PAPSS1: variants seen among roughly 807,000 people sequenced by gnomAD.
PAPSS1 encodes the protein 3'-phosphoadenosine 5'-phosphosulfate synthase 1.
PAPSS1 carries 50 observed loss-of-function variants against 72.0 expected under a neutral mutation model. That is an observed-to-expected ratio of 0.69 (90% confidence interval 0.55 to 0.88). The LOEUF (loss-of-function observed/expected upper bound fraction) is 0.88. Among genes scored for constraint, PAPSS1 ranks in the 40% least tolerant of loss-of-function variants. The pLI is 0.00. For missense variants in PAPSS1, 657 were observed against 782.2 expected (o/e 0.84, Z 1.91); for synonymous variants, 261 against 263.6 (o/e 0.99, Z 0.09).
chr4:107,680,111 C>T (rs1044446778), intron 5 of PAPSS1, among the ~76,000 whole-genome samples: 2 of 151,708 alleles, frequency 1.3e-5, no homozygotes, highest in African/African-American at 4.8e-5. Flanking sequence ...TAACTAGAGT[C>T]CCAGAAGAAG....
chr4:107,701,733 C>A (rs1723209262), intron 1 of PAPSS1, among the ~76,000 whole-genome samples: 1 of 151,990 alleles, frequency 6.6e-6, no homozygotes, highest in Admixed American at 6.6e-5. Flanking sequence ...CAATGTAAAC[C>A]AATAAAACTT....
chr4:107,716,098 T>C (rs1723633073), intron 1 of PAPSS1, among the ~76,000 whole-genome samples: 2 of 152,238 alleles, frequency 1.3e-5, no homozygotes, highest in Admixed American at 6.5e-5. Flanking sequence ...ACTTTGCATC[T>C]GCCCCTTATC....
chr4:107,647,584 A>G (rs1176563362), intron 9 of PAPSS1, among the ~76,000 whole-genome samples: 2 of 152,192 alleles, frequency 1.3e-5, no homozygotes, highest in African/African-American at 2.4e-5. Context: ...ACGAAACCCA[A>G]TAAAATTTGA....
intron 2 of PAPSS1, among the ~76,000 whole-genome samples, chr4:107,700,785 A>G (rs1467782351): frequency 5.3e-5 from 8 of 152,208 alleles, no homozygotes; most frequent in Admixed American, 5.2e-4. Flanking sequence ...ACTATGAGAA[A>G]TAAATTTCTA....
chr4:107,705,473 A>G lies in PAPSS1; in HGVS notation c.61-4188T>C, dbSNP rs545739389. Among the ~76,000 whole-genome samples, 10 of 152,320 alleles carry G rather than the reference A, an allele frequency of 6.6e-5. No homozygotes were observed. In the East Asian group the frequency reaches 1.5e-3, roughly 23 times the overall value. ...TTCCTCTTCACCTTCCGCCATGATT[A>G]TAAGTTTCCTGGGGCGTCCCCAGTC... On this transcript the variant is annotated intron_variant, in intron 1 of 11. Coordinates refer to ENST00000265174, the MANE Select transcript of PAPSS1 (RefSeq NM_005443.5).
rs1172917865 is a variant in PAPSS1 at position 107,640,559 on chromosome 4, G to GT, written c.1506+4242dup. ...CTGGAAAAGCTACAAAAATGAGAGG[G>GT]TTTTTTTTTATTACAAAAAAATTCT... On this transcript the variant is annotated intron_variant, in intron 10 of 11. Coordinates refer to ENST00000265174, the MANE Select transcript of PAPSS1 (RefSeq NM_005443.5). 2.3e-3 allele frequency among the ~76,000 whole-genome samples: 346 copies of GT among 151,552 alleles called. 1 individual carries two copies. The highest frequency in any genetic ancestry group is 2.3e-3 in the Non-Finnish European group (153 of 67,828).
chr4:107,715,303 G>A (rs1723604627), intron 1 of PAPSS1, among the ~76,000 whole-genome samples: 1 of 152,200 alleles, frequency 6.6e-6, no homozygotes, highest in Non-Finnish European at 1.5e-5. Context: ...ATTGGTAGAA[G>A]TTTAAGCTTC....
At chr4:107,646,434 CA>C (rs1231352227) in intron 9 of PAPSS1, among the ~76,000 whole-genome samples, 4 of 151,372 alleles carry the variant, frequency 2.6e-5, no homozygotes, top group Admixed American at 6.6e-5. Context: ...TACCCAGTGG[CA>C]AGAAGCAAAA....
At chr4:107,617,205 G>C (rs72673554) in intron 11 of PAPSS1, among the ~76,000 whole-genome samples, 2 of 146,636 alleles carry the variant, frequency 1.4e-5, no homozygotes, top group South Asian at 4.2e-4. Flanking sequence ...ATGAGTCTTC[G>C]GCTTTTTTTT....
At position 107,693,870 on chromosome 4, in the gene PAPSS1, T is replaced by C. The variant is rs1723002829; in HGVS notation, c.312A>G (p.Glu104=). The change falls in exon 3 of 12, where the codon GAA becomes GAG. Residue 104 remains glutamate, a synonymous_variant. Coordinates refer to ENST00000265174, the MANE Select transcript of PAPSS1 (RefSeq NM_005443.5). ...GLNKNLGFSP[E]DREENVRRIA... ...TGCGTCGAACATTCTCTTCTCTGTC[T>C]TCAGGACTAAAGCCAAGATTTTTAT... is the stretch of plus-strand genomic sequence containing the variant. The C allele has an allele frequency of 6.2e-7, 1 of 1,613,870 alleles. No homozygotes were observed. Among genetic ancestry groups the C allele is most frequent in the Admixed American group, 1.7e-5 (1 of 59,956 alleles).
At chr4:107,706,081 G>A (rs1196902914) in intron 1 of PAPSS1, among the ~76,000 whole-genome samples, 5 of 152,162 alleles carry the variant, frequency 3.3e-5, no homozygotes, top group Non-Finnish European at 7.4e-5. Flanking sequence ...GCTGCTTTCA[G>A]AATCCTCTTT....
rs973126 is a variant in PAPSS1, at chr4:107,720,144, T to C, written c.36A>G (p.Lys12=). The C allele has an allele frequency of 0.91, 1,455,085 of 1,604,686 alleles. 660,582 individuals are homozygous for C. The highest frequency in any genetic ancestry group is 0.94 in the South Asian group (84,689 of 89,836). The change falls in exon 1 of 12, where the codon AAA becomes AAG. Residue 12 remains lysine, a synonymous_variant. Transcript: ENST00000265174. ...EIPGSLCKKV[K]LSNNAQNWGM... ...CCCAGTTCTGCGCGTTATTGCTCAGTTTGACTTTCTTGCACAGGCTCCCGG... is the reference window on the plus strand; with the variant it reads ...CCCAGTTCTGCGCGTTATTGCTCAGCTTGACTTTCTTGCACAGGCTCCCGG...
chr4:107,653,569 C>T lies in PAPSS1; in HGVS notation c.1159G>A (p.Val387Ile). The T allele has an allele frequency of 6.2e-7, 1 of 1,613,404 alleles. No individual in the cohort carries two copies. Among genetic ancestry groups the T allele is most frequent in the Non-Finnish European group, 8.5e-7 (1 of 1,179,606 alleles). Residue 387 changes from valine to isoleucine, a missense_variant, in exon 9 of 12, where the codon GTT (valine) becomes ATT (isoleucine). Coordinates refer to ENST00000265174, the MANE Select transcript of PAPSS1 (RefSeq NM_005443.5). ...IGGDLQVLDR[V>I]YWNDGLDQYR... The stretch of plus-strand genomic sequence containing the variant: ...TGATCAAGACCATCATTCCAATAAA[C>T]TCGATCCAAGACTTGAAGATCTCCT...
intron 10 of PAPSS1, among the ~76,000 whole-genome samples, chr4:107,642,598 A>G (rs1726578220): frequency 6.6e-6 from 1 of 152,248 alleles, no homozygotes; most frequent in Admixed American, 6.5e-5. Context: ...TGTCTGAAAA[A>G]TACAGTAAGA....
intron 5 of PAPSS1, among the ~76,000 whole-genome samples, chr4:107,668,928 G>A (rs1230255507): frequency 6.6e-6 from 1 of 151,940 alleles, no homozygotes; most frequent in Non-Finnish European, 1.5e-5. Flanking sequence ...GTTAATGTAG[G>A]ACCCCTAACC....
At chr4:107,697,869 G>C (rs1723108659) in intron 2 of PAPSS1, among the ~76,000 whole-genome samples, 1 of 152,100 alleles carries the variant, frequency 6.6e-6, no homozygotes, top group Non-Finnish European at 1.5e-5. Flanking sequence ...TACTGGATTA[G>C]GGTGATCCAA....
chr4:107,686,486 G>A (rs1560585047), intron 4 of PAPSS1, among the ~76,000 whole-genome samples: 2 of 152,076 alleles, frequency 1.3e-5, no homozygotes, highest in South Asian at 4.2e-4. Context: ...ATTCACGGTT[G>A]GTTGAAACCA....
intron 5 of PAPSS1, among the ~76,000 whole-genome samples, chr4:107,671,642 A>T (rs1727470635): frequency 6.6e-6 from 1 of 152,202 alleles, no homozygotes; most frequent in Admixed American, 6.5e-5. Context: ...ATCCCTCAGT[A>T]TCTGAGAGGA....
At chr4:107,697,434 ATTG>A (rs1301782462) in intron 2 of PAPSS1, among the ~76,000 whole-genome samples, 3 of 152,208 alleles carry the variant, frequency 2.0e-5, no homozygotes, top group South Asian at 2.1e-4. Context: ...TTTCTTTTGA[ATTG>A]TTGTTTTTAA....
Sources: gnomAD v4.1 joint callset for allele counts (sites outside exome capture counted in the v4.1 genomes callset) on GRCh38, gnomAD v4.1.1 for gene constraint, MANE v1.5 for transcripts, NCBI Gene and HGNC (gene_info 2026-07-23, HGNC 2026-07-21) for gene names.